Variants in DNAJC17 observed in about 807,000 individuals in gnomAD.
DNAJC17 encodes DnaJ heat shock protein family (Hsp40) member C17, also known as dnaJ homolog subfamily C member 17.
In DNAJC17, 35 loss-of-function variants were observed where a neutral mutation model predicts 48.1. The ratio of observed to expected loss-of-function variants is 0.73; its 90% CI spans 0.56 to 0.96. The LOEUF (loss-of-function observed/expected upper bound fraction) is 0.96, where lower values mean the gene tolerates loss of function less well. DNAJC17 is among the 50% of genes least tolerant of loss of function. The pLI, the probability that DNAJC17 is intolerant of heterozygous loss-of-function variation, is 0.00. For missense variants in DNAJC17, 355 were observed against 377.1 expected (o/e 0.94, Z 0.48); for synonymous variants, 117 against 142.7 (o/e 0.82, Z 1.28).
chr15:40,779,397 G>A, intron 3 of DNAJC17, 87 bp from the exon 4 acceptor site: 1 of 1,564,716 alleles, frequency 6.4e-7, no homozygotes, highest in South Asian at 1.1e-5. Flanking sequence ...TAGCCCACGA[G>A]CCATCAGAGT....
intron 1 of DNAJC17, among the ~76,000 whole-genome samples, chr15:40,803,169 C>T (rs1016373874): frequency 1.3e-5 from 2 of 148,306 alleles, no homozygotes; most frequent in Middle Eastern, 7.2e-3. Context: ...AAAAAAATCA[C>T]GCATGATTTT....
At chr15:40,783,347 T>C (rs1889555010) in intron 1 of DNAJC17, among the ~76,000 whole-genome samples, 2 of 152,222 alleles carry the variant, frequency 1.3e-5, no homozygotes, top group Admixed American at 1.3e-4. Context: ...GTTGGGTGTT[T>C]GTTCCTGGCC....
chr15:40,806,922 G>C (rs532734051), intron 1 of DNAJC17, among the ~76,000 whole-genome samples: 1 of 152,318 alleles, frequency 6.6e-6, no homozygotes, highest in South Asian at 2.1e-4. Flanking sequence ...AAGGGGGCAT[G>C]AAAAGGGAGT....
chr15:40,779,309 G>T lies in DNAJC17; in HGVS notation c.209C>A (p.Ala70Asp), dbSNP rs779428930. The T allele has an allele frequency of 6.2e-7, 1 of 1,613,988 alleles. No individual in the cohort carries two copies. The highest frequency in any genetic ancestry group is 1.1e-5 in the South Asian group (1 of 91,064). The stretch of plus-strand genomic sequence containing the variant: ...GGCTTTCCTGACCTTGTCATATGCA[G>T]CCTGGCAGGAGAAAGGGGCACAGGG... ...LEVLTDAAAR[A>D]AYDKVRKAKK... The change falls in exon 4 of 11, where the codon GCT (alanine) becomes GAT (aspartate). Residue 70 changes from alanine to aspartate, a missense_variant and splice_region_variant. By Grantham distance (126) the Ala-to-Asp change is moderately radical. This residue lies in a region of DNAJC17 where 199 missense variants were observed against 199.9 expected (regional missense o/e 1.00). Transcript: ENST00000220496.
intron 1 of DNAJC17, chr15:40,780,268 A>G (rs1432371785): frequency 1.6e-6 from 1 of 611,146 alleles, no homozygotes; most frequent in Non-Finnish European, 3.1e-6. Flanking sequence ...AACAGGCAGG[A>G]GCACAGTACC....
In DNAJC17 at chr15:40,767,714, G is replaced by C; in HGVS notation, c.*226C>G. Reference sequence around the variant, plus strand: ...ATAAAGGGCTGTGATGAGTGGCTGCGCCTGTGCTCTGCTTGTGCACGGACT... The same window carrying C: ...ATAAAGGGCTGTGATGAGTGGCTGCCCCTGTGCTCTGCTTGTGCACGGACT... On this transcript the variant is annotated 3_prime_UTR_variant, in exon 11 of 11. Coordinates refer to ENST00000220496, the MANE Select transcript of DNAJC17 (RefSeq NM_018163.3). 4 of 650,450 alleles carry C rather than the reference G, an allele frequency of 6.1e-6. No homozygotes were observed. Among genetic ancestry groups the C allele is most frequent in the Non-Finnish European group, 1.0e-5 (4 of 395,970 alleles). The allele number at this position is 650,450 out of a possible 1,614,324, so 40.3% of individuals were successfully genotyped here.
At position 40,780,832 on chromosome 15, in the gene DNAJC17, AAAAT is replaced by A. The variant is rs1184205618; in HGVS notation, c.79-839_79-836del. Among the ~76,000 whole-genome samples, 573 of 150,124 alleles carry A rather than the reference AAAAT, an allele frequency of 3.8e-3. 4 individuals carry two copies. The highest frequency in any genetic ancestry group is 0.013 in the African/African-American group (531 of 40,360). ...TGTCTCAAATAAAATAAAATAAAAT[AAAAT>A]AAAAAATAAAATAAAAGATTATGAT... On this transcript the variant is annotated intron_variant, in intron 1 of 10. Transcript: ENST00000220496.
At position 40,767,239 on chromosome 15, in the gene DNAJC17, G is replaced by C; in HGVS notation, c.*701C>G. On this transcript the variant is annotated 3_prime_UTR_variant, in exon 11 of 11. Transcript: ENST00000220496. ...GTCTCTTTGCAGTTATGAATACTAC[G>C]TCGATGACCCTCCCCGCATAGTCCT... 6.4e-7 allele frequency: 1 copy of C among 1,570,524 alleles called. No individual in the cohort carries two copies. Among genetic ancestry groups the C allele is most frequent in the South Asian group, 1.2e-5 (1 of 85,632 alleles).
At position 40,767,472 on chromosome 15, in the gene DNAJC17, C is replaced by A. The variant is rs1566817223; in HGVS notation, c.*468G>T. On this transcript the variant is annotated 3_prime_UTR_variant, in exon 11 of 11. Coordinates refer to ENST00000220496, the MANE Select transcript of DNAJC17 (RefSeq NM_018163.3). ...CTTCCCAAATCATCACCGCCATGGG[C>A]CCAGCCCCAAAGGGCAGTGAATGGC... 4 of 1,171,494 alleles carry A rather than the reference C, an allele frequency of 3.4e-6. No homozygotes were observed. In the East Asian group the frequency reaches 1.1e-4, roughly 33 times the overall value. 72.6% of individuals were successfully genotyped at this position (1,171,494 alleles called of 1,614,324 possible). A position where few individuals can be genotyped will look rare whatever the true frequency, so the allele number is the denominator to read the frequency against.
At chr15:40,791,549 A>G (rs1474430036) in intron 1 of DNAJC17, among the ~76,000 whole-genome samples, 4 of 151,772 alleles carry the variant, frequency 2.6e-5, no homozygotes, top group Admixed American at 2.0e-4. Flanking sequence ...AAAATAAAAT[A>G]AAAAACAACA....
In DNAJC17 at chr15:40,769,695, C is replaced by T. The variant is rs1416658749; in HGVS notation, c.793-1633G>A. Reference sequence around the variant, plus strand: ...CCTTTCAATTAACTCCCACCCGCCCCGAACTCTTCCTACCCAGACACTGTG... The same window carrying T: ...CCTTTCAATTAACTCCCACCCGCCCTGAACTCTTCCTACCCAGACACTGTG... On this transcript the variant is annotated intron_variant, in intron 10 of 10. Coordinates refer to ENST00000220496, the MANE Select transcript of DNAJC17 (RefSeq NM_018163.3). The surrounding 1 kb of genome is among the most constrained non-coding windows in gnomAD (Gnocchi z 4.2). 2.0e-5 allele frequency among the ~76,000 whole-genome samples: 3 copies of T among 152,248 alleles called. No homozygotes were observed. Among genetic ancestry groups the T allele is most frequent in the East Asian group, 1.9e-4 (1 of 5,204 alleles).
rs757980457 is a variant in DNAJC17, at chr15:40,774,365, G to A, written c.672C>T (p.Val224=). 2 of 1,614,000 alleles carry A rather than the reference G, an allele frequency of 1.2e-6. No individual in the cohort carries two copies. Among genetic ancestry groups the A allele is most frequent in the Non-Finnish European group, 1.7e-6 (2 of 1,180,030 alleles). The change falls in exon 9 of 11, where the codon GTC becomes GTT. Residue 224 remains valine, a synonymous_variant. Transcript: ENST00000220496. The part of the protein sequence containing the change: ...PGTAVVEFAT[V]KAAELAVQNE... ...CTCATGCAGCACTCACCGCTGCCTT[G>A]ACGGTTGCAAACTCCACCACAGCAG...
intron 1 of DNAJC17, chr15:40,792,542 T>C (rs1889833443): frequency 1.0e-6 from 1 of 985,140 alleles, no homozygotes; most frequent in African/African-American, 1.7e-5. Context: ...AGGCTGGACA[T>C]GCTGACTCAT....
chr15:40,797,251 T>C (rs539522579), intron 1 of DNAJC17, among the ~76,000 whole-genome samples: 1 of 152,278 alleles, frequency 6.6e-6, no homozygotes, highest in East Asian at 1.9e-4. Flanking sequence ...ATGCCTATTG[T>C]CCTAGCTACT....
intron 1 of DNAJC17, chr15:40,780,201 G>C: frequency 1.5e-6 from 1 of 671,998 alleles, no homozygotes; most frequent in South Asian, 1.5e-5. Context: ...ACAGGAGCTG[G>C]GCCCACCTCC....
At chr15:40,798,845 T>C (rs575915045) in intron 1 of DNAJC17, among the ~76,000 whole-genome samples, 3 of 152,178 alleles carry the variant, frequency 2.0e-5, no homozygotes, top group South Asian at 2.1e-4. Context: ...TCTTGAAGGT[T>C]TGCAAACAGC....
At chr15:40,804,179 A>T (rs1410515948) in intron 1 of DNAJC17, among the ~76,000 whole-genome samples, 1 of 151,732 alleles carries the variant, frequency 6.6e-6, no homozygotes, top group Non-Finnish European at 1.5e-5. Flanking sequence ...TACGTTTCCC[A>T]GGCTGGTCTC....
chr15:40,786,778 G>A (rs1455303240), intron 1 of DNAJC17, among the ~76,000 whole-genome samples: 2 of 152,300 alleles, frequency 1.3e-5, no homozygotes, highest in African/African-American at 2.4e-5. Flanking sequence ...TCAGAAGGAC[G>A]AAGATCTCAG....
Position 40,774,441 on chromosome 15 carries a change from G to A in DNAJC17, c.601-5C>T, listed in dbSNP as rs1357835870. The stretch of plus-strand genomic sequence containing the variant: ...CAGGTTGAGAACCTCACCATACTGT[G>A]GGGACAAAGGGGTCCTAATAAGCAT... On this transcript the variant is annotated splice_region_variant and splice_polypyrimidine_tract_variant and intron_variant, in intron 8 of 10. Transcript: ENST00000220496. 6.2e-7 allele frequency: 1 copy of A among 1,613,762 alleles called. No homozygotes were observed. The highest frequency in any genetic ancestry group is 1.3e-5 in the African/African-American group (1 of 74,944).
Sources: allele counts gnomAD v4.1 joint callset (sites outside exome capture counted in the v4.1 genomes callset), GRCh38; gene constraint gnomAD v4.1.1; regional missense constraint gnomAD v4.1.1; non-coding constraint Gnocchi (gnomAD v3.1); transcripts MANE v1.5; gene names NCBI Gene and HGNC (gene_info 2026-07-23, HGNC 2026-07-21).